The following ADGRG6 variants were observed in gnomAD, a reference collection of about 807,000 sequenced individuals.
ADGRG6 encodes the protein G-protein coupled receptor 126.
ADGRG6 carries 84 observed loss-of-function variants against 142.4 expected under a neutral mutation model. The observed-to-expected ratio is 0.59, with a 90% CI of 0.49 to 0.71. The LOEUF is 0.71. Among genes scored for constraint, ADGRG6 ranks in the 30% least tolerant of loss-of-function variants. The probability of loss-of-function intolerance (pLI) is 0.00; values close to 1 mark genes in which losing one functional copy is unlikely to be tolerated. For synonymous variants in ADGRG6, 521 were observed against 520.5 expected (o/e 1.00, Z -0.01); for missense variants, 1,367 against 1,466.6 (o/e 0.93, Z 1.11).
At chr6:142,385,139 A>T (rs1247701398) in intron 6 of ADGRG6, among the ~76,000 whole-genome samples, 2 of 152,162 alleles carry the variant, frequency 1.3e-5, no homozygotes, top group African/African-American at 4.8e-5. Flanking sequence ...AAGAACATTT[A>T]TACGGTGCTT....
chr6:142,420,404 T>C (rs184587771), intron 22 of ADGRG6, among the ~76,000 whole-genome samples: 1 of 152,248 alleles, frequency 6.6e-6, no homozygotes, highest in African/African-American at 2.4e-5. Flanking sequence ...AAGGGAAGTA[T>C]CTAGCTGAGA....
At chr6:142,308,315 A>G (rs1241090089) in intron 1 of ADGRG6, among the ~76,000 whole-genome samples, 2 of 151,982 alleles carry the variant, frequency 1.3e-5, no homozygotes, top group Non-Finnish European at 2.9e-5. Context: ...GGTTTGCAGC[A>G]TAGTTCATAA....
intron 10 of ADGRG6, 42 bp from the exon 11 acceptor site, chr6:142,400,443 A>G: frequency 1.0e-6 from 1 of 952,982 alleles, no homozygotes; most frequent in South Asian, 1.4e-5. Flanking sequence ...AACTTTAAAA[A>G]ATAGGTGAAT....
Position 142,367,617 on chromosome 6 carries a change from C to T in ADGRG6, c.152C>T (p.Thr51Ile). 1 of 1,613,776 alleles carries T rather than the reference C, an allele frequency of 6.2e-7. No individual in the cohort carries two copies. Among genetic ancestry groups the T allele is most frequent in the Non-Finnish European group, 8.5e-7 (1 of 1,179,842 alleles). Residue 51 changes from threonine to isoleucine, a missense_variant, in exon 3 of 25, where the codon ACC becomes ATC. Coordinates refer to ENST00000367609, the MANE Select transcript of ADGRG6 (RefSeq NM_198569.3). ...GTGGTTTTGTCCAACCCTTCTGGGA[C>T]CTTTACTTCTCCATGCTACCCTAAC... ...CRVVLSNPSG[T>I]FTSPCYPNDY...
chr6:142,393,911 T>C lies in ADGRG6; in HGVS notation c.1377T>C (p.Ala459=), dbSNP rs1172086775. 1 of 1,558,280 alleles carries C rather than the reference T, an allele frequency of 6.4e-7. No individual in the cohort carries two copies. The highest frequency in any genetic ancestry group is 1.9e-5 in the Admixed American group (1 of 52,606). ...GTGTTTTTAGTTTTCACCTGAGTGC[T>C]GGAGAGGACAAGATTAAAGTCAAGA... ...YVVNISFHLS[A]GEDKIKVKRS... is the part of the protein sequence containing the mutation. Residue 459 remains alanine, a synonymous_variant, in exon 9 of 25, where the codon GCT becomes GCC. Transcript: ENST00000367609.
intron 2 of ADGRG6, among the ~76,000 whole-genome samples, chr6:142,333,116 A>G (rs1172734508): frequency 2.0e-5 from 3 of 152,216 alleles, no homozygotes; most frequent in African/African-American, 7.2e-5. Flanking sequence ...TGTGCCTTAC[A>G]TTTCAGAGCA....
chr6:142,309,292 C>G (rs1308963205), intron 1 of ADGRG6, among the ~76,000 whole-genome samples: 1 of 151,556 alleles, frequency 6.6e-6, no homozygotes, highest in Non-Finnish European at 1.5e-5. Flanking sequence ...CAGAAATCAC[C>G]TATTATATAT....
At chr6:142,413,011 A>G (rs1184776902) in intron 18 of ADGRG6, among the ~76,000 whole-genome samples, 1 of 146,684 alleles carries the variant, frequency 6.8e-6, no homozygotes, top group Non-Finnish European at 1.5e-5. Context: ...TTCTGCTGCT[A>G]TCTGATTGAA....
intron 22 of ADGRG6, among the ~76,000 whole-genome samples, chr6:142,434,059 A>C (rs1187031501): frequency 6.6e-6 from 1 of 152,148 alleles, no homozygotes; most frequent in East Asian, 1.9e-4. Flanking sequence ...TCTCTTAAAA[A>C]AGAAAAAACT....
At chr6:142,365,215 T>C (rs1439817113) in intron 2 of ADGRG6, among the ~76,000 whole-genome samples, 1 of 152,198 alleles carries the variant, frequency 6.6e-6, no homozygotes, top group Admixed American at 6.5e-5. Context: ...CTGTGAGTGA[T>C]ATAATTGGAA....
At chr6:142,437,298 C>G (rs1469916111) in intron 22 of ADGRG6, 136 bp from the exon 23 acceptor site, 2 of 545,882 alleles carry the variant, frequency 3.7e-6, no homozygotes, top group Non-Finnish European at 6.5e-6. Context: ...CTGCAAGATT[C>G]ATTTCCTTAA....
At chr6:142,388,235 T>C (rs1402201522) in intron 6 of ADGRG6, among the ~76,000 whole-genome samples, 1 of 152,190 alleles carries the variant, frequency 6.6e-6, no homozygotes, top group Non-Finnish European at 1.5e-5. Flanking sequence ...TTCCAAAATT[T>C]TAAATAAGTA....
intron 10 of ADGRG6, among the ~76,000 whole-genome samples, chr6:142,398,792 G>T (rs1353897289): frequency 1.3e-5 from 2 of 152,074 alleles, no homozygotes; most frequent in African/African-American, 4.8e-5. Flanking sequence ...ACTTCATGCT[G>T]TCCAGATGCC....
At chr6:142,421,682 G>C (rs1776658523) in intron 22 of ADGRG6, among the ~76,000 whole-genome samples, 1 of 152,120 alleles carries the variant, frequency 6.6e-6, no homozygotes, top group Non-Finnish European at 1.5e-5. Context: ...ACAGTTGTCT[G>C]TTCAGCTCTG....
chr6:142,311,692 T>A (rs188057467), intron 2 of ADGRG6, among the ~76,000 whole-genome samples: 11 of 152,086 alleles, frequency 7.2e-5, no homozygotes, highest in African/African-American at 2.6e-4. Flanking sequence ...AACACCTAGA[T>A]GATCTCAAGT....
In ADGRG6 at chr6:142,444,322, C is replaced by T. The variant is rs929305004; in HGVS notation, c.*807C>T. ...AATCTCTTACACCTCTACTTTTGCC[C>T]CTCTACTGTATATTAAGCCCATAGG... On this transcript the variant is annotated 3_prime_UTR_variant, in exon 25 of 25. Transcript: ENST00000367609. The T allele has an allele frequency of 2.0e-5, 3 of 152,122 alleles. No individual in the cohort carries two copies. The highest frequency in any genetic ancestry group is 7.2e-5 in the African/African-American group (3 of 41,426). 9.4% of individuals were successfully genotyped at this position (152,122 alleles called of 1,614,324 possible). A position where few individuals can be genotyped will look rare whatever the true frequency, so the allele number is the denominator to read the frequency against.
rs1361812720 is a variant in ADGRG6, at chr6:142,402,744, T to G, written c.1869T>G (p.Ile623Met). 1.3e-6 allele frequency: 2 copies of G among 1,598,520 alleles called. No homozygotes were observed. The highest frequency in any genetic ancestry group is 2.7e-5 in the African/African-American group (2 of 74,588). Residue 623 changes from isoleucine to methionine, a missense_variant, in exon 13 of 25, where the codon ATT becomes ATG. Ile to Met is a conservative substitution (Grantham distance 10, BLOSUM62 1). Transcript: ENST00000367609. Reference protein sequence around the residue: ...VKRIVNKEENIDITLGSTLMN... With the variant: ...VKRIVNKEENMDITLGSTLMN... ...GAATTGTGAATAAAGAAGAAAACATTGATATAACACTTGGCTCAACTCTAA... is the reference window on the plus strand; with the variant it reads ...GAATTGTGAATAAAGAAGAAAACATGGATATAACACTTGGCTCAACTCTAA...
intron 7 of ADGRG6, among the ~76,000 whole-genome samples, chr6:142,391,287 A>G (rs796801855): frequency 1.3e-5 from 2 of 151,788 alleles, no homozygotes; most frequent in African/African-American, 4.8e-5. Flanking sequence ...CTTTTTATAT[A>G]TAATGCTGTT....
chr6:142,370,235 G>C lies in ADGRG6; in HGVS notation c.511G>C (p.Val171Leu). 1.9e-6 allele frequency: 3 copies of C among 1,611,798 alleles called. No homozygotes were observed. The highest frequency in any genetic ancestry group is 1.7e-6 in the Non-Finnish European group (2 of 1,178,024). The change falls in exon 4 of 25, where the codon GTT becomes CTT. Residue 171 changes from valine (V) to leucine (L), a missense_variant. Around this residue, in one of 3 missense-constraint regions of ADGRG6, gnomAD observed 737 missense variants for 746.5 expected, o/e 0.99. Coordinates refer to ENST00000367609, the MANE Select transcript of ADGRG6 (RefSeq NM_198569.3). ...PQTSDAYQVS[V>L]AKSISIPELS... ...GACATCAGATGCTTACCAGGTATCT[G>C]TTGCAAAAAGCATCTCTATTCCAGA... is the stretch of plus-strand genomic sequence containing the variant.
Sources: allele counts gnomAD v4.1 joint callset (sites outside exome capture counted in the v4.1 genomes callset), GRCh38; gene constraint gnomAD v4.1.1; regional missense constraint gnomAD v4.1.1; transcripts MANE v1.5; gene names NCBI Gene and HGNC (gene_info 2026-07-23, HGNC 2026-07-21).